WBP1L: variants seen among roughly 807,000 people sequenced by gnomAD.
WBP1L encodes WW domain binding protein 1-like.
A neutral mutation model predicts 33.7 loss-of-function variants in WBP1L; 17 were observed. The ratio of observed to expected loss-of-function variants is 0.50; its 90% CI spans 0.34 to 0.76. The LOEUF is 0.76. Ranked by LOEUF, WBP1L falls within the 30% of genes least tolerant of loss-of-function variation. The pLI is 0.01. For missense variants in WBP1L, 389 were observed against 469.4 expected (o/e 0.83, Z 1.58); for synonymous variants, 173 against 190.8 (o/e 0.91, Z 0.77).
At chr10:102,775,471 A>C (rs1383665739) in intron 1 of WBP1L, among the ~76,000 whole-genome samples, 1 of 152,196 alleles carries the variant, frequency 6.6e-6, no homozygotes, top group Non-Finnish European at 1.5e-5. Context: ...CTGAACCAAG[A>C]GTTGGTTTAA....
Position 102,744,128 on chromosome 10 carries a change from G to C in WBP1L, c.75G>C (p.Arg25Ser), listed in dbSNP as rs770229144. 13 of 1,551,846 alleles carry C rather than the reference G, an allele frequency of 8.4e-6. No homozygotes were observed. Among genetic ancestry groups the C allele is most frequent in the Non-Finnish European group, 1.1e-5 (13 of 1,147,500 alleles). ...CGCTGCCCAGCCCCTTGTCAGCCAGGGCTGAACCCCCGCAGGTAAGGGGGA... is the reference window on the plus strand; with the variant it reads ...CGCTGCCCAGCCCCTTGTCAGCCAGCGCTGAACCCCCGCAGGTAAGGGGGA... Reference protein sequence around the residue: ...LQALPSPLSARAEPPQDKEAC... With the variant: ...LQALPSPLSASAEPPQDKEAC... The change falls in exon 1 of 4, where the codon AGG (arginine) becomes AGC (serine). Residue 25 changes from arginine to serine, a missense_variant. Physicochemically the swap from Arg to Ser is moderately radical, Grantham distance 110. Transcript: ENST00000448841.
intron 1 of WBP1L, among the ~76,000 whole-genome samples, chr10:102,746,787 G>A (rs1225003528): frequency 6.6e-6 from 1 of 152,058 alleles, no homozygotes; most frequent in Non-Finnish European, 1.5e-5. Context: ...AATGGTATTG[G>A]TACCTTATTG....
intron 1 of WBP1L, among the ~76,000 whole-genome samples, chr10:102,762,756 C>T (rs1401349601): frequency 1.3e-5 from 2 of 152,158 alleles, no homozygotes; most frequent in African/African-American, 4.8e-5. Context: ...AATGAAGAGA[C>T]CCTGCCAGCA....
chr10:102,755,097 G>A (rs1248146441), intron 1 of WBP1L, among the ~76,000 whole-genome samples: 11 of 150,726 alleles, frequency 7.3e-5, no homozygotes, highest in Non-Finnish European at 4.4e-5. Flanking sequence ...TTACAGGTGC[G>A]CACCACCATG....
chr10:102,766,169 C>T lies in WBP1L; in HGVS notation c.90+22026C>T, dbSNP rs146331682. Among the ~76,000 whole-genome samples the T allele has an allele frequency of 7.4e-3, 1,123 of 152,086 alleles. 7 individuals carry two copies. The highest frequency in any genetic ancestry group is 0.024 in the African/African-American group (992 of 41,498). ...AAAAAAAATTAGCCAGGGCCAGGTG[C>T]AGTGGCTCACATCTGTAATCCCAGC... is the stretch of plus-strand genomic sequence containing the variant. On this transcript the variant is annotated intron_variant, in intron 1 of 3. Transcript: ENST00000448841.
chr10:102,797,365 G>C (rs529433034), intron 1 of WBP1L, among the ~76,000 whole-genome samples: 1 of 152,106 alleles, frequency 6.6e-6, no homozygotes, highest in Non-Finnish European at 1.5e-5. Flanking sequence ...GGTTAGCACC[G>C]GAACATGAAA....
chr10:102,794,995 A>G (rs1347762279), intron 1 of WBP1L, among the ~76,000 whole-genome samples: 3 of 152,184 alleles, frequency 2.0e-5, no homozygotes, highest in Non-Finnish European at 2.9e-5. Flanking sequence ...GGGACTCTGT[A>G]TTTAGAGGAG....
chr10:102,791,175 C>T (rs1843492513), intron 1 of WBP1L, among the ~76,000 whole-genome samples: 1 of 152,178 alleles, frequency 6.6e-6, no homozygotes. Flanking sequence ...ACCCCACTTT[C>T]TAGGTCAACT....
At chr10:102,797,947 C>A in intron 1 of WBP1L, 46 bp from the exon 2 acceptor site, 2 of 1,541,810 alleles carry the variant, frequency 1.3e-6, no homozygotes, top group South Asian at 2.2e-5. Context: ...GGAAAGTGTT[C>A]AAAAGCTGTC....
At chr10:102,793,653 A>G (rs1244087938) in intron 1 of WBP1L, among the ~76,000 whole-genome samples, 1 of 152,208 alleles carries the variant, frequency 6.6e-6, no homozygotes, top group Admixed American at 6.5e-5. Context: ...TTTCATGCTC[A>G]GCAATAGTGG....
At chr10:102,803,289 G>A (rs1843683770) in intron 2 of WBP1L, among the ~76,000 whole-genome samples, 1 of 152,240 alleles carries the variant, frequency 6.6e-6, no homozygotes, top group African/African-American at 2.4e-5. Context: ...CAGGATGGGA[G>A]GAGAGCTCAC....
intron 1 of WBP1L, among the ~76,000 whole-genome samples, chr10:102,758,769 G>A (rs979657643): frequency 6.6e-6 from 1 of 152,188 alleles, no homozygotes; most frequent in African/African-American, 2.4e-5. Context: ...AGACAAGGGG[G>A]CAGGGTAAGG....
chr10:102,789,722 T>A (rs1268034493), intron 1 of WBP1L, among the ~76,000 whole-genome samples: 1 of 152,062 alleles, frequency 6.6e-6, no homozygotes, highest in African/African-American at 2.4e-5. Flanking sequence ...AGGTGTGGGC[T>A]TCTTATTATC....
chr10:102,777,060 A>T (rs1029004512), intron 1 of WBP1L, among the ~76,000 whole-genome samples: 1 of 152,176 alleles, frequency 6.6e-6, no homozygotes, highest in Non-Finnish European at 1.5e-5. Context: ...GGAGCACTGC[A>T]TTCATTCCAG....
rs138754444 is a variant in WBP1L, at chr10:102,774,871, T to C, written c.91-23122T>C. ...GTAACTTTTTGTAATCCCAGCACTT[T>C]AGGAGGCTAAGGTGGGCAGATCACT... is the stretch of plus-strand genomic sequence containing the variant. On this transcript the variant is annotated intron_variant, in intron 1 of 3. Coordinates refer to ENST00000448841, the MANE Select transcript of WBP1L (RefSeq NM_001083913.2). Among the ~76,000 whole-genome samples, 15 of 152,250 alleles carry C rather than the reference T, an allele frequency of 9.9e-5. No individual in the cohort carries two copies. In the East Asian group the frequency reaches 2.1e-3, roughly 22 times the overall value.
intron 1 of WBP1L, among the ~76,000 whole-genome samples, chr10:102,751,741 G>A (rs768175776): frequency 4.6e-5 from 7 of 152,198 alleles, no homozygotes; most frequent in Admixed American, 6.5e-5. Flanking sequence ...CATGTCATGA[G>A]CTCTGGGGTC....
intron 1 of WBP1L, among the ~76,000 whole-genome samples, chr10:102,782,380 T>G (rs972424191): frequency 6.6e-6 from 1 of 151,902 alleles, no homozygotes; most frequent in African/African-American, 2.4e-5. Flanking sequence ...AACAGTCACT[T>G]CCTCCAGTGA....
chr10:102,782,767 G>A (rs1452938623), intron 1 of WBP1L, among the ~76,000 whole-genome samples: 1 of 152,150 alleles, frequency 6.6e-6, no homozygotes, highest in Non-Finnish European at 1.5e-5. Context: ...GAGGGGAGGG[G>A]CAGTGCAGGG....
chr10:102,805,046 C>T (rs1173577713), intron 2 of WBP1L, among the ~76,000 whole-genome samples: 1 of 151,806 alleles, frequency 6.6e-6, no homozygotes, highest in Non-Finnish European at 1.5e-5. Flanking sequence ...ACTTTGGGAG[C>T]CAAGGTGGGA....
Sources: gnomAD v4.1 joint callset for allele counts (sites outside exome capture counted in the v4.1 genomes callset) on GRCh38, gnomAD v4.1.1 for gene constraint, MANE v1.5 for transcripts, NCBI Gene and HGNC (gene_info 2026-07-23, HGNC 2026-07-21) for gene names.